Variants in B3GALT1 observed in about 807,000 individuals in gnomAD.
B3GALT1 encodes the protein beta-1,3-galactosyltransferase 1.
Under a neutral mutation model 23.2 loss-of-function variants are expected in B3GALT1, and 10 were observed. That is an observed-to-expected ratio of 0.43 (90% confidence interval 0.27 to 0.73). The LOEUF is 0.73. B3GALT1 is among the 30% of genes least tolerant of loss of function. The probability of loss-of-function intolerance (pLI) is 0.21; values close to 1 mark genes in which losing one functional copy is unlikely to be tolerated. For synonymous variants in B3GALT1, 156 were observed against 141.5 expected (o/e 1.10, Z -0.73); for missense variants, 299 against 405.4 (o/e 0.74, Z 2.25).
chr2:167,690,343 A>G (rs192089854), intron 3 of B3GALT1, among the ~76,000 whole-genome samples: 70 of 152,218 alleles, frequency 4.6e-4, no homozygotes, highest in Non-Finnish European at 5.3e-4. Flanking sequence ...ACTCAGTAAA[A>G]GTAATTACAA....
At chr2:167,731,293 T>A (rs1425797134) in intron 3 of B3GALT1, among the ~76,000 whole-genome samples, 1 of 152,220 alleles carries the variant, frequency 6.6e-6, no homozygotes, top group Non-Finnish European at 1.5e-5. Context: ...AGTCTACTGA[T>A]GCTACACATT....
chr2:167,448,769 A>T (rs895190815), intron 1 of B3GALT1, among the ~76,000 whole-genome samples: 2 of 152,060 alleles, frequency 1.3e-5, no homozygotes, highest in Admixed American at 1.3e-4. Flanking sequence ...TTTTGAGTTG[A>T]TTTTCATGTA....
At chr2:167,463,924 G>T (rs567812780) in intron 1 of B3GALT1, among the ~76,000 whole-genome samples, 1 of 152,096 alleles carries the variant, frequency 6.6e-6, no homozygotes, top group Admixed American at 6.6e-5. Flanking sequence ...AGTTCACATC[G>T]TTGGCAAGGC....
chr2:167,757,737 T>A (rs973331375), intron 3 of B3GALT1, among the ~76,000 whole-genome samples: 5 of 152,138 alleles, frequency 3.3e-5, no homozygotes, highest in African/African-American at 1.2e-4. Context: ...TTTGATTTGA[T>A]TTCCTATTTG....
At chr2:167,423,771 C>G (rs773594182) in intron 1 of B3GALT1, among the ~76,000 whole-genome samples, 2 of 152,116 alleles carry the variant, frequency 1.3e-5, no homozygotes, top group Non-Finnish European at 2.9e-5. Context: ...CTTGGTACTT[C>G]TGTTTCCACA....
chr2:167,749,420 A>G (rs975741458), intron 3 of B3GALT1, among the ~76,000 whole-genome samples: 2 of 152,148 alleles, frequency 1.3e-5, no homozygotes, highest in Non-Finnish European at 2.9e-5. Context: ...ACCTTACCCC[A>G]TGTTCCAACT....
At chr2:167,531,814 A>G (rs912660309) in intron 2 of B3GALT1, among the ~76,000 whole-genome samples, 1 of 152,182 alleles carries the variant, frequency 6.6e-6, no homozygotes, top group African/African-American at 2.4e-5. Context: ...ATAATCAAAT[A>G]ATATTTCAAA....
At position 167,587,859 on chromosome 2, in the gene B3GALT1, C is replaced by T. The variant is rs570502256; in HGVS notation, c.-409-59050C>T. ...TTATCTCTAAAAAATATTATACAAC[C>T]TTTTGGATATAATTGGAGAGACAGT... On this transcript the variant is annotated intron_variant, in intron 2 of 4. Transcript: ENST00000392690. Among the ~76,000 whole-genome samples, 17 of 152,184 alleles carry T rather than the reference C, an allele frequency of 1.1e-4. No homozygotes were observed. The South Asian group carries it at 1.9e-3, about 17-fold the overall frequency.
intron 2 of B3GALT1, among the ~76,000 whole-genome samples, chr2:167,605,974 T>G (rs13384540): frequency 2.0e-5 from 3 of 152,182 alleles, no homozygotes; most frequent in African/African-American, 7.2e-5. Flanking sequence ...GTGCATGTAT[T>G]AGGTCAATTG....
chr2:167,557,662 C>G (rs1683877908), intron 2 of B3GALT1, among the ~76,000 whole-genome samples: 1 of 152,188 alleles, frequency 6.6e-6, no homozygotes, highest in Non-Finnish European at 1.5e-5. Flanking sequence ...CCACAATCCT[C>G]AAATGTATAA....
At chr2:167,662,025 T>C (rs1686068235) in intron 3 of B3GALT1, among the ~76,000 whole-genome samples, 1 of 151,964 alleles carries the variant, frequency 6.6e-6, no homozygotes, top group Non-Finnish European at 1.5e-5. Context: ...AAAATCTACT[T>C]TCTTTATTTT....
chr2:167,681,252 A>G (rs796253488), intron 3 of B3GALT1, among the ~76,000 whole-genome samples: 4 of 152,218 alleles, frequency 2.6e-5, no homozygotes, highest in African/African-American at 9.6e-5. Context: ...TCAGATATAT[A>G]TATATATTTT....
intron 2 of B3GALT1, among the ~76,000 whole-genome samples, chr2:167,632,617 T>A (rs959684857): frequency 6.6e-6 from 1 of 152,108 alleles, no homozygotes; most frequent in Non-Finnish European, 1.5e-5. Flanking sequence ...TCTGTTTATA[T>A]CCTTTGCCCA....
At chr2:167,555,453 G>A (rs897029444) in intron 2 of B3GALT1, among the ~76,000 whole-genome samples, 1 of 152,018 alleles carries the variant, frequency 6.6e-6, no homozygotes, top group African/African-American at 2.4e-5. Context: ...TCTTTTATGG[G>A]TATTTTCTTC....
chr2:167,635,543 A>G (rs910323702), intron 2 of B3GALT1, among the ~76,000 whole-genome samples: 7 of 152,158 alleles, frequency 4.6e-5, no homozygotes, highest in Non-Finnish European at 8.8e-5. Flanking sequence ...AAGCATTCCT[A>G]TACGCCAATA....
rs1050941369 is a variant in B3GALT1, at chr2:167,453,952, A to G, written c.-510-36225A>G. 3.3e-5 allele frequency among the ~76,000 whole-genome samples: 5 copies of G among 152,316 alleles called. 1 individual carries two copies. Among genetic ancestry groups the G allele is most frequent in the Admixed American group, 6.5e-5 (1 of 15,300 alleles). On this transcript the variant is annotated intron_variant, in intron 1 of 4. Transcript: ENST00000392690. Reference sequence around the variant, plus strand: ...TGAGCTTGGCTTCTACTTGTTTGGCATACAAATTATAGATTTTTTAGATTA... The same window carrying G: ...TGAGCTTGGCTTCTACTTGTTTGGCGTACAAATTATAGATTTTTTAGATTA...
At chr2:167,649,228 T>C (rs1685812261) in intron 3 of B3GALT1, among the ~76,000 whole-genome samples, 1 of 152,118 alleles carries the variant, frequency 6.6e-6, no homozygotes, top group African/African-American at 2.4e-5. Flanking sequence ...CATTTTTCAT[T>C]TGCATTCACT....
chr2:167,325,147 G>T (rs564979588), intron 1 of B3GALT1, among the ~76,000 whole-genome samples: 8 of 152,204 alleles, frequency 5.3e-5, no homozygotes, highest in Middle Eastern at 6.8e-3. Flanking sequence ...TTGAGATTGT[G>T]AATAGTGCTA....
chr2:167,670,233 C>T (rs902491779), intron 3 of B3GALT1, among the ~76,000 whole-genome samples: 9 of 152,100 alleles, frequency 5.9e-5, no homozygotes, highest in Non-Finnish European at 1.3e-4. Flanking sequence ...GAGCACTACC[C>T]TAGGAAAAAT....
Sources: gnomAD v4.1 joint callset for allele counts (sites outside exome capture counted in the v4.1 genomes callset) on GRCh38, gnomAD v4.1.1 for gene constraint, MANE v1.5 for transcripts, NCBI Gene and HGNC (gene_info 2026-07-23, HGNC 2026-07-21) for gene names.